The following UNC5D variants were observed in gnomAD, a reference collection of about 807,000 sequenced individuals.
UNC5D encodes the protein netrin receptor UNC5D.
UNC5D carries 39 observed loss-of-function variants against 105.4 expected under a neutral mutation model. That is an observed-to-expected ratio of 0.37 (90% confidence interval 0.29 to 0.48). The LOEUF is 0.48. Ranked by LOEUF, UNC5D falls within the 20% of genes least tolerant of loss-of-function variation. The pLI, the probability that UNC5D is intolerant of heterozygous loss-of-function variation, is 0.98. For missense variants in UNC5D, 991 were observed against 1,202.4 expected (o/e 0.82, Z 2.60); for synonymous variants, 452 against 450.4 (o/e 1.00, Z -0.04).
At chr8:35,281,349 A>G (rs534741265) in intron 1 of UNC5D, among the ~76,000 whole-genome samples, 33 of 151,862 alleles carry the variant, frequency 2.2e-4, no homozygotes, top group Admixed American at 1.3e-4. Flanking sequence ...AGCTATACCT[A>G]TGTTACTGAG....
chr8:35,237,179 GTTTTT>G (rs3073013), intron 1 of UNC5D, among the ~76,000 whole-genome samples: 1,007 of 61,826 alleles, frequency 0.016, 15 homozygotes, highest in African/African-American at 0.026. Context: ...TTCCTGAAAA[GTTTTT>G]TTTTTTTTTT....
chr8:35,765,896 T>C (rs908120966), intron 14 of UNC5D, among the ~76,000 whole-genome samples: 1 of 151,998 alleles, frequency 6.6e-6, no homozygotes, highest in Non-Finnish European at 1.5e-5. Flanking sequence ...AGGTGAGAAA[T>C]AGAGAAAAAA....
chr8:35,383,099 A>G (rs1299315127), intron 1 of UNC5D, among the ~76,000 whole-genome samples: 1 of 152,228 alleles, frequency 6.6e-6, no homozygotes, highest in Non-Finnish European at 1.5e-5. Flanking sequence ...ATCAATGATC[A>G]CATTAAAGTA....
chr8:35,495,502 G>T (rs1239621809), intron 1 of UNC5D, among the ~76,000 whole-genome samples: 3 of 146,198 alleles, frequency 2.1e-5, no homozygotes, highest in African/African-American at 7.5e-5. Flanking sequence ...CTCATAATGT[G>T]TTAAGAAAGT....
At chr8:35,534,320 T>G (rs951706629) in intron 1 of UNC5D, among the ~76,000 whole-genome samples, 1 of 152,160 alleles carries the variant, frequency 6.6e-6, no homozygotes, top group South Asian at 2.1e-4. Context: ...AAACACTGTC[T>G]AAACACAGAT....
intron 1 of UNC5D, among the ~76,000 whole-genome samples, chr8:35,376,382 T>G (rs1219024739): frequency 6.6e-6 from 1 of 152,050 alleles, no homozygotes; most frequent in African/African-American, 2.4e-5. Context: ...GAAGAACGAG[T>G]GATCCTGTTT....
intron 1 of UNC5D, among the ~76,000 whole-genome samples, chr8:35,504,933 T>G (rs1036639590): frequency 1.3e-5 from 2 of 152,218 alleles, no homozygotes; most frequent in Non-Finnish European, 2.9e-5. Context: ...AACACTCATG[T>G]GTAGCCCCCC....
intron 4 of UNC5D, among the ~76,000 whole-genome samples, chr8:35,598,159 T>C (rs1285352978): frequency 6.6e-6 from 1 of 152,102 alleles, no homozygotes; most frequent in Non-Finnish European, 1.5e-5. Flanking sequence ...GTTGCAAATA[T>C]TTGCTTCCCC....
chr8:35,527,970 G>C (rs1310867156), intron 1 of UNC5D, among the ~76,000 whole-genome samples: 1 of 151,474 alleles, frequency 6.6e-6, no homozygotes, highest in Non-Finnish European at 1.5e-5. Context: ...GCAGTGGGAA[G>C]GGGAAGGATA....
chr8:35,328,962 C>T (rs754122831), intron 1 of UNC5D, among the ~76,000 whole-genome samples: 16 of 152,158 alleles, frequency 1.1e-4, no homozygotes, highest in Non-Finnish European at 2.2e-4. Context: ...TGCTTTAAAA[C>T]ACACACTCCT....
At chr8:35,702,381 T>G (rs1193864242) in intron 7 of UNC5D, among the ~76,000 whole-genome samples, 1 of 152,074 alleles carries the variant, frequency 6.6e-6, no homozygotes, top group African/African-American at 2.4e-5. Context: ...CAAGATCTCT[T>G]GGAGTGGGGC....
chr8:35,625,081 A>G lies in UNC5D; in HGVS notation c.570+29424A>G, dbSNP rs145137340. Among the ~76,000 whole-genome samples the G allele has an allele frequency of 3.1e-3, 474 of 152,288 alleles. 3 individuals are homozygous for G. The highest frequency in any genetic ancestry group is 0.01 in the African/African-American group (433 of 41,550). ...CCTGGTAGTCTTTTATCTGTTTTCT[A>G]ATATCACCATTTCGTTTTCAGCCCT... On this transcript the variant is annotated intron_variant, in intron 4 of 16. Coordinates refer to ENST00000404895, the MANE Select transcript of UNC5D (RefSeq NM_080872.4).
At chr8:35,628,206 T>C (rs1416913210) in intron 4 of UNC5D, among the ~76,000 whole-genome samples, 1 of 152,170 alleles carries the variant, frequency 6.6e-6, no homozygotes. Flanking sequence ...TGATGTCAGT[T>C]TACTGCAACC....
chr8:35,740,049 C>A (rs1829678480), intron 11 of UNC5D, among the ~76,000 whole-genome samples: 1 of 152,146 alleles, frequency 6.6e-6, no homozygotes, highest in Non-Finnish European at 1.5e-5. Context: ...ATGAAGATAG[C>A]CCTAAAGTGA....
At position 35,240,760 on chromosome 8, in the gene UNC5D, T is replaced by C. The variant is rs575866968; in HGVS notation, c.103+4873T>C. Among the ~76,000 whole-genome samples the C allele has an allele frequency of 3.9e-5, 6 of 152,336 alleles. No individual in the cohort carries two copies. The South Asian group carries it at 1.0e-3, about 26-fold the overall frequency. On this transcript the variant is annotated intron_variant, in intron 1 of 16. Transcript: ENST00000404895. ...AAAAGTACTCAAATGATATCTTTATTACTATCAAGAGGCATAGAGGAATTT... is the reference window on the plus strand; with the variant it reads ...AAAAGTACTCAAATGATATCTTTATCACTATCAAGAGGCATAGAGGAATTT...
rs1803203768 is a variant in UNC5D at position 35,795,067 on chromosome 8, T to A, written c.*4504T>A. 1 of 152,132 alleles carries A rather than the reference T, an allele frequency of 6.6e-6. No individual in the cohort carries two copies. The allele number at this position is 152,132 out of a possible 1,614,324, so 9.4% of individuals were successfully genotyped here. A position where few individuals can be genotyped will look rare whatever the true frequency, so the allele number is the denominator to read the frequency against. On this transcript the variant is annotated 3_prime_UTR_variant, in exon 17 of 17. Coordinates refer to ENST00000404895, the MANE Select transcript of UNC5D (RefSeq NM_080872.4). ...AAGGCAGTAACATTTAAACTTCATGTCCTAGCACCCGCCCTCCATCTGACC... is the reference window on the plus strand; with the variant it reads ...AAGGCAGTAACATTTAAACTTCATGACCTAGCACCCGCCCTCCATCTGACC...
At chr8:35,467,205 A>T (rs1479150351) in intron 1 of UNC5D, among the ~76,000 whole-genome samples, 4 of 152,150 alleles carry the variant, frequency 2.6e-5, no homozygotes, top group African/African-American at 7.2e-5. Context: ...ACATGCCCAT[A>T]ACTCAAGTGC....
At chr8:35,533,964 TAAA>T (rs1814633309) in intron 1 of UNC5D, among the ~76,000 whole-genome samples, 1 of 152,160 alleles carries the variant, frequency 6.6e-6, no homozygotes, top group Admixed American at 6.5e-5. Flanking sequence ...CCTAGTGAGA[TAAA>T]CCCGGTACCT....
At chr8:35,692,074 G>A (rs1826441564) in intron 7 of UNC5D, among the ~76,000 whole-genome samples, 1 of 152,124 alleles carries the variant, frequency 6.6e-6, no homozygotes, top group Non-Finnish European at 1.5e-5. Flanking sequence ...GTATAACATA[G>A]GTCAGTTCAA....
Sources: allele counts gnomAD v4.1 joint callset (sites outside exome capture counted in the v4.1 genomes callset), GRCh38; gene constraint gnomAD v4.1.1; transcripts MANE v1.5; gene names NCBI Gene and HGNC (gene_info 2026-07-23, HGNC 2026-07-21).